The following PRKG1 variants were observed in gnomAD, a reference collection of about 807,000 sequenced individuals.
PRKG1 encodes the protein protein kinase cGMP-dependent 1.
A neutral mutation model predicts 88.1 loss-of-function variants in PRKG1; 35 were observed. That is an observed-to-expected ratio of 0.40 (90% confidence interval 0.30 to 0.53). PRKG1 has a LOEUF of 0.53. Among genes scored for constraint, PRKG1 ranks in the 20% least tolerant of loss-of-function variants. PRKG1 has a pLI of 0.59. For synonymous variants in PRKG1, 303 were observed against 292.5 expected (o/e 1.04, Z -0.37); for missense variants, 540 against 839.8 (o/e 0.64, Z 4.41).
At chr10:51,825,511 A>T (rs977433521) in intron 4 of PRKG1, among the ~76,000 whole-genome samples, 1 of 152,138 alleles carries the variant, frequency 6.6e-6, no homozygotes. Context: ...GTAGGCAAAG[A>T]CACACCCTGA....
intron 9 of PRKG1, among the ~76,000 whole-genome samples, chr10:52,224,808 CATATATAT>C (rs71032630): frequency 0.69 from 73,242 of 106,490 alleles, 25,167 homozygotes; most frequent in Middle Eastern, 0.75. Flanking sequence ...AGTATTCCAT[CATATATAT>C]ATATATATAT....
At chr10:52,186,015 T>G (rs1839191924) in intron 9 of PRKG1, among the ~76,000 whole-genome samples, 1 of 141,200 alleles carries the variant, frequency 7.1e-6, no homozygotes. Flanking sequence ...TTCGAGGCCT[T>G]TTGCCCATTT....
In PRKG1 at chr10:52,045,632, C is replaced by G. The variant is rs117084805; in HGVS notation, c.763-8852C>G. On this transcript the variant is annotated intron_variant, in intron 5 of 17. Transcript: ENST00000373980. ...TCTTAAATAATCTTGGTGAGCTAGG[C>G]AAGTTTGGTGTCTTGAGGGACAGTG... Among the ~76,000 whole-genome samples the G allele has an allele frequency of 9.2e-3, 1,403 of 152,036 alleles. 11 individuals carry two copies. Among genetic ancestry groups the G allele is most frequent in the Non-Finnish European group, 0.013 (886 of 67,962 alleles).
intron 1 of PRKG1, among the ~76,000 whole-genome samples, chr10:51,066,650 A>T (rs1843753719): frequency 6.6e-6 from 1 of 152,118 alleles, no homozygotes; most frequent in Non-Finnish European, 1.5e-5. Flanking sequence ...AACAATGTAT[A>T]TATTTACCAT....
intron 2 of PRKG1, among the ~76,000 whole-genome samples, chr10:51,179,432 G>A (rs1392112833): frequency 2.6e-5 from 4 of 152,218 alleles, no homozygotes; most frequent in East Asian, 1.9e-4. Context: ...GCTAATTATC[G>A]GCTTTATCCG....
Position 52,026,164 on chromosome 10 carries a change from AT to A in PRKG1, c.763-28315del, listed in dbSNP as rs1349716591. ...TTTTTATTATAAACATTTTAGACTT[AT>A]TTTTATCTATGAAAAAATACCGTGG... On this transcript the variant is annotated intron_variant, in intron 5 of 17. Coordinates refer to ENST00000373980, the MANE Select transcript of PRKG1 (RefSeq NM_006258.4). 2.0e-5 allele frequency among the ~76,000 whole-genome samples: 3 copies of A among 152,092 alleles called. No homozygotes were observed. In the East Asian group the frequency reaches 5.8e-4, roughly 30 times the overall value.
At chr10:51,983,182 C>T (rs1295823510) in intron 5 of PRKG1, among the ~76,000 whole-genome samples, 3 of 152,108 alleles carry the variant, frequency 2.0e-5, no homozygotes, top group East Asian at 1.9e-4. Context: ...CTGGCTGGCT[C>T]TTTCCTGCCA....
intron 5 of PRKG1, among the ~76,000 whole-genome samples, chr10:51,965,245 T>C (rs187192996): frequency 1.3e-5 from 2 of 152,246 alleles, no homozygotes; most frequent in Non-Finnish European, 2.9e-5. Flanking sequence ...CTCTCCACCC[T>C]CTGATATGCC....
chr10:50,992,047 C>G (rs1244602421), intron 1 of PRKG1, among the ~76,000 whole-genome samples: 1 of 151,828 alleles, frequency 6.6e-6, no homozygotes, highest in Non-Finnish European at 1.5e-5. Context: ...GGAGAGCTTC[C>G]CAGCGGCGAC....
rs1842372298 is a variant in PRKG1 at position 52,295,930 on chromosome 10, G to A, written c.*2030G>A. 1 of 151,808 alleles carries A rather than the reference G, an allele frequency of 6.6e-6. No individual in the cohort carries two copies. The highest frequency in any genetic ancestry group is 2.1e-4 in the South Asian group (1 of 4,820). 9.4% of individuals were successfully genotyped at this position (151,808 alleles called of 1,614,324 possible). A position where few individuals can be genotyped will look rare whatever the true frequency, so the allele number is the denominator to read the frequency against. ...CGTCCCTTACAATTTCTCCAAATTG[G>A]TCTATTCCCCAAGATATCCACTGTT... On this transcript the variant is annotated 3_prime_UTR_variant, in exon 18 of 18. Coordinates refer to ENST00000373980, the MANE Select transcript of PRKG1 (RefSeq NM_006258.4).
chr10:51,002,203 G>A (rs958545765), intron 1 of PRKG1, among the ~76,000 whole-genome samples: 7 of 151,686 alleles, frequency 4.6e-5, no homozygotes, highest in African/African-American at 1.7e-4. Context: ...TATGTGTGAG[G>A]AGACTAAAGG....
intron 3 of PRKG1, among the ~76,000 whole-genome samples, chr10:51,512,807 A>G (rs983060666): frequency 5.4e-5 from 4 of 74,004 alleles, no homozygotes; most frequent in Admixed American, 3.5e-4. Context: ...TTACAGTCCC[A>G]CCAACAGTGT....
chr10:51,883,550 A>G (rs936574881), intron 4 of PRKG1, among the ~76,000 whole-genome samples: 1 of 152,334 alleles, frequency 6.6e-6, no homozygotes, highest in South Asian at 2.1e-4. Context: ...TAAGAAAGAC[A>G]TTTTTGCTTA....
chr10:51,857,496 C>T (rs116017967), intron 4 of PRKG1, among the ~76,000 whole-genome samples: 1,917 of 152,176 alleles, frequency 0.013, 48 homozygotes, highest in African/African-American at 0.044. Context: ...GAAAGTAGAC[C>T]ATCCACCAGG....
At chr10:52,210,077 G>T (rs1029446131) in intron 9 of PRKG1, among the ~76,000 whole-genome samples, 1 of 151,984 alleles carries the variant, frequency 6.6e-6, no homozygotes, top group Non-Finnish European at 1.5e-5. Flanking sequence ...AGATTAAATG[G>T]CTAATGTTAA....
intron 2 of PRKG1, among the ~76,000 whole-genome samples, chr10:51,353,298 G>A (rs1326255780): frequency 2.0e-5 from 3 of 151,910 alleles, no homozygotes; most frequent in Non-Finnish European, 4.4e-5. Context: ...TGAATAAATG[G>A]GATCACATCA....
rs182959887 is a variant in PRKG1, at chr10:51,534,063, A to G, written c.592+66227A>G. On this transcript the variant is annotated intron_variant, in intron 3 of 17. Transcript: ENST00000373980. ...AATTTATGCTTAGGAAGATCAAGGA[A>G]ATAGGATTTGGGCCAAAGAAAGAAA... Among the ~76,000 whole-genome samples the G allele has an allele frequency of 2.0e-5, 3 of 152,328 alleles. No homozygotes were observed. The East Asian group carries it at 5.8e-4, about 29-fold the overall frequency.
intron 9 of PRKG1, among the ~76,000 whole-genome samples, chr10:52,166,788 T>TATATATATATATATAC (rs1216469943): frequency 4.6e-3 from 36 of 7,798 alleles, no homozygotes; most frequent in Admixed American, 6.0e-3. Flanking sequence ...TAAAAAAGCC[T>TATATATATATATATAC]ATATATATAC....
At chr10:51,825,647 C>T (rs770375556) in intron 4 of PRKG1, among the ~76,000 whole-genome samples, 1 of 152,134 alleles carries the variant, frequency 6.6e-6, no homozygotes, top group Non-Finnish European at 1.5e-5. Flanking sequence ...CAAATTCTAG[C>T]TCCCATATTT....
Sources: allele counts gnomAD v4.1 joint callset (sites outside exome capture counted in the v4.1 genomes callset), GRCh38; gene constraint gnomAD v4.1.1; transcripts MANE v1.5; gene names NCBI Gene and HGNC (gene_info 2026-07-23, HGNC 2026-07-21).